The following RYR2 variants were observed in gnomAD, a reference collection of about 807,000 sequenced individuals.
RYR2 encodes the protein cardiac muscle ryanodine receptor-calcium release channel.
Under a neutral mutation model 601.1 loss-of-function variants are expected in RYR2, and 227 were observed. The ratio of observed to expected loss-of-function variants is 0.38; its 90% CI spans 0.34 to 0.42. The LOEUF (loss-of-function observed/expected upper bound fraction) is 0.42, where lower values mean the gene tolerates loss of function less well. Among genes scored for constraint, RYR2 ranks in the 10% least tolerant of loss-of-function variants. RYR2 has a pLI of 1.00. For synonymous variants in RYR2, 2,223 were observed against 2,175.1 expected (o/e 1.02, Z -0.61); for missense variants, 4,646 against 6,156.5 (o/e 0.75, Z 8.21).
chr1:237,058,365 G>A (rs1662427850), intron 1 of RYR2, among the ~76,000 whole-genome samples: 1 of 152,038 alleles, frequency 6.6e-6, no homozygotes, highest in South Asian at 2.1e-4. Context: ...TATTTTGAGA[G>A]TTTTTTCCTC....
intron 63 of RYR2, among the ~76,000 whole-genome samples, chr1:237,698,535 G>GAC (rs1687693860): frequency 6.6e-6 from 1 of 152,092 alleles, no homozygotes; most frequent in Admixed American, 6.6e-5. Context: ...GATGAAATAA[G>GAC]AAAGCAGAAT....
chr1:237,223,719 A>G (rs1253301351), intron 1 of RYR2, among the ~76,000 whole-genome samples: 2 of 152,214 alleles, frequency 1.3e-5, no homozygotes, highest in African/African-American at 2.4e-5. Flanking sequence ...ATATGGCCAC[A>G]CCACAGGTTT....
intron 1 of RYR2, among the ~76,000 whole-genome samples, chr1:237,081,206 A>G (rs1039308714): frequency 2.3e-5 from 3 of 130,468 alleles, no homozygotes; most frequent in African/African-American, 8.7e-5. Flanking sequence ...GGTGCAGCGC[A>G]CCAGCATGGC....
At chr1:237,486,484 G>A (rs1662697107) in intron 17 of RYR2, among the ~76,000 whole-genome samples, 1 of 152,004 alleles carries the variant, frequency 6.6e-6, no homozygotes, top group African/African-American at 2.4e-5. Flanking sequence ...CAAACTTATG[G>A]AATGAAAATA....
At chr1:237,364,508 C>CTA in intron 5 of RYR2, 136 bp downstream of exon 5, 1 of 387,712 alleles carries the variant, frequency 2.6e-6, no homozygotes, top group Non-Finnish European at 4.6e-6. Context: ...TATATATCAG[C>CTA]TATATATATG....
At chr1:237,660,759 TTTTATTTACATTCA>T (rs1340932264) in intron 55 of RYR2, 37 bp from the exon 56 acceptor site, 1 of 1,481,712 alleles carries the variant, frequency 6.7e-7, no homozygotes, top group African/African-American at 1.4e-5. Flanking sequence ...TACTTAACAT[TTTTATTTACATTCA>T]TAATATATCT....
At chr1:237,294,081 A>G (rs1416161403) in intron 2 of RYR2, among the ~76,000 whole-genome samples, 1 of 152,156 alleles carries the variant, frequency 6.6e-6, no homozygotes, top group South Asian at 2.1e-4. Context: ...AGGAAATTTT[A>G]AGGGATTTTA....
intron 10 of RYR2, among the ~76,000 whole-genome samples, chr1:237,391,139 C>G (rs1572107513): frequency 1.3e-5 from 2 of 151,976 alleles, no homozygotes; most frequent in African/African-American, 4.8e-5. Context: ...CTTGTTAATA[C>G]CATTGTTTAG....
intron 101 of RYR2, among the ~76,000 whole-genome samples, chr1:237,825,295 T>C (rs748894218): frequency 1.3e-5 from 2 of 152,140 alleles, no homozygotes; most frequent in Non-Finnish European, 2.9e-5. Flanking sequence ...AAAAAGAGTA[T>C]GGTATTGGTA....
At chr1:237,531,373 T>C (rs907513422) in intron 25 of RYR2, among the ~76,000 whole-genome samples, 3 of 152,188 alleles carry the variant, frequency 2.0e-5, no homozygotes, top group Non-Finnish European at 2.9e-5. Context: ...CAGGGAAGTT[T>C]TAGGTATTAA....
At chr1:237,638,238 T>C (rs2148722893) in intron 44 of RYR2, 119 bp from the exon 45 acceptor site, 1 of 1,342,508 alleles carries the variant, frequency 7.4e-7, no homozygotes, top group South Asian at 1.4e-5. Context: ...GCAAAAAGAA[T>C]TTGCAAAAAT....
chr1:237,610,930 T>C lies in RYR2; in HGVS notation c.4852T>C (p.Leu1618=), dbSNP rs780985525. 5.0e-6 allele frequency: 8 copies of C among 1,613,580 alleles called. No individual in the cohort carries two copies. In the East Asian group the frequency reaches 1.6e-4, roughly 32 times the overall value. ...VSRISERQGW[L]VQCLDPLQFM... ...TCGAATAAGTGAACGCCAAGGCTGG[T>C]TGGTGCAGTGTTTGGATCCTCTGCA... The change falls in exon 36 of 105, where the codon TTG becomes CTG. Residue 1618 remains leucine, a synonymous_variant. Transcript: ENST00000366574. This position sits in a 1 kb window ranked among gnomAD's most constrained non-coding sequence, Gnocchi z 4.9.
chr1:237,760,451 G>C (rs896187246), intron 83 of RYR2, among the ~76,000 whole-genome samples: 12 of 150,264 alleles, frequency 8.0e-5, no homozygotes, highest in Non-Finnish European at 1.5e-4. Context: ...AAAATGAGTT[G>C]TGTATGCTTT....
At chr1:237,641,821 C>T (rs762323577) in intron 47 of RYR2, among the ~76,000 whole-genome samples, 9 of 152,318 alleles carry the variant, frequency 5.9e-5, no homozygotes, top group Non-Finnish European at 1.3e-4. Flanking sequence ...GGCTTACAGG[C>T]GTGAGCCAGC....
intron 8 of RYR2, among the ~76,000 whole-genome samples, chr1:237,378,290 A>G (rs1188748349): frequency 3.3e-5 from 5 of 152,236 alleles, no homozygotes; most frequent in African/African-American, 1.2e-4. Flanking sequence ...ACACAGCCGA[A>G]CCATATCAAA....
Position 237,614,170 on chromosome 1 carries a change from A to C in RYR2, c.5042A>C (p.Asp1681Ala). ...RVAHALCSHVDEPQLLYAIEN... is the reference protein window; with the variant it reads ...RVAHALCSHVAEPQLLYAIEN... Reference sequence around the variant, plus strand: ...GCCCATGCCCTGTGCAGCCATGTGGATGAACCTCAGCTCCTCTATGCCATT... The same window carrying C: ...GCCCATGCCCTGTGCAGCCATGTGGCTGAACCTCAGCTCCTCTATGCCATT... The change falls in exon 37 of 105, where the codon GAT becomes GCT. Residue 1681 changes from aspartate (D) to alanine (A), a missense_variant. By Grantham distance (126) the Asp-to-Ala change is moderately radical. Coordinates refer to ENST00000366574, the MANE Select transcript of RYR2 (RefSeq NM_001035.3). This position sits in a 1 kb window ranked among gnomAD's most constrained non-coding sequence, Gnocchi z 4.3. The C allele has an allele frequency of 6.2e-7, 1 of 1,614,010 alleles. No individual in the cohort carries two copies. The highest frequency in any genetic ancestry group is 8.5e-7 in the Non-Finnish European group (1 of 1,179,898).
chr1:237,495,695 C>T (rs1404629277), intron 19 of RYR2, among the ~76,000 whole-genome samples: 8 of 152,122 alleles, frequency 5.3e-5, no homozygotes, highest in Admixed American at 5.2e-4. Flanking sequence ...TTTCTGTTCA[C>T]AGTGAGGCAT....
At chr1:237,055,895 A>G (rs1276660600) in intron 1 of RYR2, among the ~76,000 whole-genome samples, 7 of 152,192 alleles carry the variant, frequency 4.6e-5, no homozygotes, top group Non-Finnish European at 8.8e-5. Context: ...CAGAGGGAAG[A>G]TGGTGTGAAG....
chr1:237,638,245 A>G, intron 44 of RYR2, 112 bp from the exon 45 acceptor site: 1 of 1,446,736 alleles, frequency 6.9e-7, no homozygotes, highest in African/African-American at 1.4e-5. Flanking sequence ...GAATTTGCAA[A>G]AATGCATTTG....
Sources: allele counts gnomAD v4.1 joint callset (sites outside exome capture counted in the v4.1 genomes callset), GRCh38; gene constraint gnomAD v4.1.1; non-coding constraint Gnocchi (gnomAD v3.1); transcripts MANE v1.5; gene names NCBI Gene and HGNC (gene_info 2026-07-23, HGNC 2026-07-21).